Variants in GABRB3 observed in about 807,000 individuals in gnomAD.
GABRB3 encodes gamma-aminobutyric acid type A receptor subunit beta3, also known as gamma-aminobutyric acid receptor subunit beta-3.
Under a neutral mutation model 52.1 loss-of-function variants are expected in GABRB3, and 14 were observed. The observed-to-expected ratio is 0.27, with a 90% CI of 0.18 to 0.42. The LOEUF (loss-of-function observed/expected upper bound fraction) is 0.42, where lower values mean the gene tolerates loss of function less well. Among genes scored for constraint, GABRB3 ranks in the 10% least tolerant of loss-of-function variants. The pLI, the probability that GABRB3 is intolerant of heterozygous loss-of-function variation, is 1.00. For synonymous variants in GABRB3, 260 were observed against 232.3 expected (o/e 1.12, Z -1.08); for missense variants, 307 against 609.1 (o/e 0.50, Z 5.22).
rs1892556185 is a variant in GABRB3, at chr15:26,623,246, C to T, written c.241-1712G>A. ...GGTTTATGGGTAAAAGAGAGCAGAGCGATGAGTCAGGCTAGACCCCAGGGC... is the reference window on the plus strand; with the variant it reads ...GGTTTATGGGTAAAAGAGAGCAGAGTGATGAGTCAGGCTAGACCCCAGGGC... On this transcript the variant is annotated intron_variant, in intron 3 of 8. Transcript: ENST00000311550. Among the ~76,000 whole-genome samples the T allele has an allele frequency of 2.0e-5, 3 of 152,122 alleles. No homozygotes were observed. The South Asian group carries it at 6.2e-4, about 32-fold the overall frequency.
chr15:26,564,807 G>C (rs564235433), intron 7 of GABRB3, among the ~76,000 whole-genome samples: 1 of 152,280 alleles, frequency 6.6e-6, no homozygotes, highest in Admixed American at 6.5e-5. Flanking sequence ...ATAATGTTTG[G>C]TTAGCTTTTT....
chr15:26,561,752 A>G (rs182518086), intron 7 of GABRB3, among the ~76,000 whole-genome samples: 9 of 152,204 alleles, frequency 5.9e-5, no homozygotes, highest in African/African-American at 2.2e-4. Flanking sequence ...CATGAGATCC[A>G]GTCCTGAGCT....
At chr15:26,646,107 C>A (rs567235066) in intron 3 of GABRB3, among the ~76,000 whole-genome samples, 1 of 152,006 alleles carries the variant, frequency 6.6e-6, no homozygotes, top group African/African-American at 2.4e-5. Context: ...AGGGTACAAT[C>A]GAATCATTTA....
chr15:26,624,979 C>T, intron 3 of GABRB3: 2 of 984,964 alleles, frequency 2.0e-6, no homozygotes, highest in Non-Finnish European at 2.4e-6. Context: ...CCTAGAACCT[C>T]ATTTAACTAG....
At chr15:26,684,331 G>T (rs2140653329) in intron 3 of GABRB3, among the ~76,000 whole-genome samples, 1 of 152,254 alleles carries the variant, frequency 6.6e-6, no homozygotes. Context: ...GCCACAGGCA[G>T]GGACGCGGAA....
At chr15:26,660,454 T>G (rs1013325717) in intron 3 of GABRB3, among the ~76,000 whole-genome samples, 1 of 152,122 alleles carries the variant, frequency 6.6e-6, no homozygotes, top group African/African-American at 2.4e-5. Context: ...CTTCTATATA[T>G]AGAGGATAAA....
chr15:26,624,580 T>G, intron 3 of GABRB3: 1 of 985,388 alleles, frequency 1.0e-6, no homozygotes, highest in Non-Finnish European at 1.2e-6. Context: ...CGCCTCTCAG[T>G]TTGGGTCTTG....
chr15:26,657,852 A>G (rs1047556479), intron 3 of GABRB3, among the ~76,000 whole-genome samples: 9 of 152,166 alleles, frequency 5.9e-5, no homozygotes, highest in Non-Finnish European at 1.3e-4. Context: ...TTTGGGAGGA[A>G]TTCAGCTTAT....
chr15:26,753,571 G>A (rs781108818), intron 3 of GABRB3, among the ~76,000 whole-genome samples: 3 of 152,238 alleles, frequency 2.0e-5, no homozygotes, highest in Non-Finnish European at 4.4e-5. Flanking sequence ...AAACTGTCCA[G>A]AAATACATGG....
chr15:26,773,114 C>G, upstream of GABRB3: 1 of 760,512 alleles, frequency 1.3e-6, no homozygotes, highest in African/African-American at 1.9e-5. Flanking sequence ...GGGGGAGGAG[C>G]GGGCGCTGGG....
At chr15:26,750,259 G>T (rs1461439791) in intron 3 of GABRB3, 3 of 152,154 alleles carry the variant, frequency 2.0e-5, no homozygotes, top group Non-Finnish European at 4.4e-5. Context: ...CTAAAATGAG[G>T]TTTCCAATAA....
Position 26,772,474 on chromosome 15 carries a change from G to A in GABRB3, c.173-5C>T, listed in dbSNP as rs547678442. ...TCCCCACGCAGACCGGGGGACCTGC[G>A]GGAAGCACAGGACACGGCGATCAGC... On this transcript the variant is annotated splice_region_variant and splice_polypyrimidine_tract_variant and intron_variant, in intron 2 of 8. Coordinates refer to ENST00000311550, the MANE Select transcript of GABRB3 (RefSeq NM_000814.6). The A allele has an allele frequency of 6.2e-6, 10 of 1,609,810 alleles. No homozygotes were observed. The highest frequency in any genetic ancestry group is 2.2e-5 in the East Asian group (1 of 44,666).
chr15:26,771,122 T>G (rs1277456416), intron 3 of GABRB3, among the ~76,000 whole-genome samples: 1 of 152,200 alleles, frequency 6.6e-6, no homozygotes, highest in Non-Finnish European at 1.5e-5. Flanking sequence ...TCCTATAAGA[T>G]CCTTAGTGGT....
Position 26,686,123 on chromosome 15 carries a change from T to C in GABRB3, c.241-64589A>G, listed in dbSNP as rs541643927. The stretch of plus-strand genomic sequence containing the variant: ...ATACCTGACTAATTTTTTTATTTTT[T>C]GTAGAAACATGGGGTCTTGCTATGT... On this transcript the variant is annotated intron_variant, in intron 3 of 8. Transcript: ENST00000311550. Among the ~76,000 whole-genome samples, 19 of 152,262 alleles carry C rather than the reference T, an allele frequency of 1.2e-4. No homozygotes were observed. The South Asian group carries it at 3.9e-3, about 32-fold the overall frequency.
chr15:26,544,701 A>C lies in GABRB3; in HGVS notation c.*3092T>G, dbSNP rs1844922951. On this transcript the variant is annotated 3_prime_UTR_variant, in exon 9 of 9. Coordinates refer to ENST00000311550, the MANE Select transcript of GABRB3 (RefSeq NM_000814.6). ...TCCATTATCTCAAGGATATCTGAAT[A>C]TGGGTAATAACAAACTGTCATAACA... is the stretch of plus-strand genomic sequence containing the variant. The C allele has an allele frequency of 6.6e-6, 1 of 152,256 alleles. No individual in the cohort carries two copies. Among genetic ancestry groups the C allele is most frequent in the South Asian group, 2.1e-4 (1 of 4,832 alleles). The allele number at this position is 152,256 out of a possible 1,614,324, so 9.4% of individuals were successfully genotyped here.
At chr15:26,554,042 T>G (rs1483708395) in intron 8 of GABRB3, among the ~76,000 whole-genome samples, 2 of 44,514 alleles carry the variant, frequency 4.5e-5, no homozygotes, top group Non-Finnish European at 1.1e-4. Flanking sequence ...TATATTTATT[T>G]ATTTATATTT....
Position 26,721,679 on chromosome 15 carries a change from C to T in GABRB3, c.240+50723G>A, listed in dbSNP as rs1229366283. 5.3e-5 allele frequency among the ~76,000 whole-genome samples: 8 copies of T among 151,908 alleles called. No individual in the cohort carries two copies. In the East Asian group the frequency reaches 1.6e-3, roughly 30 times the overall value. ...GGGTAGAGGGGAAATTATTTGTCCA[C>T]TCCTGCACTCCTACCTACCTAAGGG... On this transcript the variant is annotated intron_variant, in intron 3 of 8. Transcript: ENST00000311550.
chr15:26,746,941 C>T (rs988715864), intron 3 of GABRB3, among the ~76,000 whole-genome samples: 1 of 152,104 alleles, frequency 6.6e-6, no homozygotes, highest in Non-Finnish European at 1.5e-5. Flanking sequence ...GAGCAGAGAT[C>T]GCACTACTGC....
intron 4 of GABRB3, among the ~76,000 whole-genome samples, chr15:26,610,646 G>A (rs912036611): frequency 1.3e-5 from 2 of 152,126 alleles, no homozygotes; most frequent in Non-Finnish European, 2.9e-5. Flanking sequence ...ATGATCTTCT[G>A]TAGTGCTGTT....
Sources: allele counts gnomAD v4.1 joint callset (sites outside exome capture counted in the v4.1 genomes callset), GRCh38; gene constraint gnomAD v4.1.1; transcripts MANE v1.5; gene names NCBI Gene and HGNC (gene_info 2026-07-23, HGNC 2026-07-21).